CDH12: variants seen among roughly 807,000 people sequenced by gnomAD.
CDH12 encodes cadherin-12.
CDH12 carries 41 observed loss-of-function variants against 74.1 expected under a neutral mutation model. The observed-to-expected ratio is 0.55, with a 90% CI of 0.43 to 0.72. The LOEUF (loss-of-function observed/expected upper bound fraction) is 0.72. Among genes scored for constraint, CDH12 ranks in the 30% least tolerant of loss-of-function variants. The pLI is 0.00. For synonymous variants in CDH12, 399 were observed against 355.0 expected, an observed-to-expected ratio of 1.12 and a Z score of -1.39; for missense variants, 945 against 977.2, an observed-to-expected ratio of 0.97 and a Z score of 0.44.
chr5:22,248,822 A>C (rs1181013791), intron 3 of CDH12, among the ~76,000 whole-genome samples: 1 of 152,098 alleles, frequency 6.6e-6, no homozygotes, highest in African/African-American at 2.4e-5. Context: ...TCATATAAGT[A>C]ACTAAACCAT....
intron 1 of CDH12, among the ~76,000 whole-genome samples, chr5:22,544,785 C>G (rs1341193991): frequency 6.6e-6 from 1 of 151,866 alleles, no homozygotes; most frequent in African/African-American, 2.4e-5. Context: ...CCACTGTACT[C>G]CAGCCTGGGT....
chr5:22,558,494 C>T (rs866202031), intron 1 of CDH12, among the ~76,000 whole-genome samples: 5 of 152,026 alleles, frequency 3.3e-5, no homozygotes, highest in Middle Eastern at 3.2e-3. Flanking sequence ...ATCTGCCATA[C>T]GCAGAGTGAA....
intron 4 of CDH12, among the ~76,000 whole-genome samples, chr5:22,197,241 G>A (rs1157580669): frequency 2.0e-5 from 3 of 151,986 alleles, no homozygotes; most frequent in African/African-American, 4.8e-5. Flanking sequence ...TCAGGAGATC[G>A]AGTCCATCCT....
chr5:22,233,629 A>G (rs1252279098), intron 3 of CDH12, among the ~76,000 whole-genome samples: 2 of 152,188 alleles, frequency 1.3e-5, no homozygotes, highest in Non-Finnish European at 2.9e-5. Context: ...CAGAGTCAGA[A>G]TGGTGTTTTA....
At position 22,081,914 on chromosome 5, in the gene CDH12, G is replaced by A. The variant is rs1157898784; in HGVS notation, c.-186-3052C>T. ...GGAAAAATTAGTGAATAAGTGATTG[G>A]TAATTAGAGAGAAACATAAATTTAA... On this transcript the variant is annotated intron_variant, in intron 4 of 14. Coordinates refer to ENST00000382254, the MANE Select transcript of CDH12 (RefSeq NM_004061.5). Among the ~76,000 whole-genome samples, 3 of 152,274 alleles carry A rather than the reference G, an allele frequency of 2.0e-5. No homozygotes were observed. In the East Asian group the frequency reaches 5.8e-4, roughly 29 times the overall value.
intron 1 of CDH12, among the ~76,000 whole-genome samples, chr5:22,555,638 T>C (rs1738769759): frequency 6.6e-6 from 1 of 152,184 alleles, no homozygotes; most frequent in Non-Finnish European, 1.5e-5. Context: ...AAATTCTTTA[T>C]CATTTCGTGG....
chr5:22,291,589 AC>A (rs1451820145), intron 3 of CDH12, among the ~76,000 whole-genome samples: 1 of 152,118 alleles, frequency 6.6e-6, no homozygotes, highest in Non-Finnish European at 1.5e-5. Flanking sequence ...AAAGCAAGAA[AC>A]CAATCCTATT....
intron 3 of CDH12, among the ~76,000 whole-genome samples, chr5:22,282,355 C>T (rs1736925374): frequency 6.6e-6 from 1 of 152,106 alleles, no homozygotes. Context: ...ACGACTAAAA[C>T]ACCAAAAGCA....
intron 6 of CDH12, among the ~76,000 whole-genome samples, chr5:21,909,553 C>T (rs549623534): frequency 8.5e-5 from 13 of 152,250 alleles, no homozygotes; most frequent in Admixed American, 1.3e-4. Flanking sequence ...GTTCTCACAA[C>T]TCCGAATTTC....
chr5:22,751,103 T>G (rs1745547977), intron 1 of CDH12, among the ~76,000 whole-genome samples: 1 of 151,712 alleles, frequency 6.6e-6, no homozygotes. Flanking sequence ...GAATAAAATG[T>G]ATTGGAAAAG....
At chr5:22,706,312 T>C (rs999995973) in intron 1 of CDH12, among the ~76,000 whole-genome samples, 3 of 152,184 alleles carry the variant, frequency 2.0e-5, no homozygotes, top group South Asian at 2.1e-4. Context: ...AAAAAGAACA[T>C]GCATGCTTAT....
chr5:22,799,450 T>C (rs1748398809), intron 1 of CDH12, among the ~76,000 whole-genome samples: 1 of 152,206 alleles, frequency 6.6e-6, no homozygotes, highest in Non-Finnish European at 1.5e-5. Flanking sequence ...CCCTTTTCAG[T>C]ATTTTATTAA....
intron 1 of CDH12, among the ~76,000 whole-genome samples, chr5:22,566,316 C>A (rs1300473790): frequency 6.6e-6 from 1 of 151,478 alleles, no homozygotes; most frequent in Non-Finnish European, 1.5e-5. Flanking sequence ...CCACTCACTG[C>A]AACCTCCACC....
At chr5:22,039,961 T>C (rs745412463) in intron 5 of CDH12, among the ~76,000 whole-genome samples, 26 of 150,006 alleles carry the variant, frequency 1.7e-4, no homozygotes, top group African/African-American at 4.4e-4. Context: ...CCTCCAGTAA[T>C]AGGCCAGTAA....
Position 21,981,099 on chromosome 5 carries a change from T to C in CDH12, c.232-5714A>G, listed in dbSNP as rs577496841. ...ATAAAATTGGCTAAATGATTAAATG[T>C]TATAGTAGTTCTTTAATTATAAATT... On this transcript the variant is annotated intron_variant, in intron 5 of 14. Coordinates refer to ENST00000382254, the MANE Select transcript of CDH12 (RefSeq NM_004061.5). Among the ~76,000 whole-genome samples, 11 of 152,254 alleles carry C rather than the reference T, an allele frequency of 7.2e-5. No homozygotes were observed. The South Asian group carries it at 2.1e-3, about 29-fold the overall frequency.
rs559903674 is a variant in CDH12, at chr5:22,529,001, A to G, written c.-522-23637T>C. ...ATTAGGCAGGGTTCCCCAGGGAAAC[A>G]GAACCAATAGAATGTGTGTCTGTAT... On this transcript the variant is annotated intron_variant, in intron 1 of 14. Coordinates refer to ENST00000382254, the MANE Select transcript of CDH12 (RefSeq NM_004061.5). 1.2e-4 allele frequency among the ~76,000 whole-genome samples: 19 copies of G among 152,080 alleles called. No homozygotes were observed. The East Asian group carries it at 3.7e-3, about 29-fold the overall frequency.
At chr5:22,573,275 T>C (rs1366540605) in intron 1 of CDH12, among the ~76,000 whole-genome samples, 1 of 152,208 alleles carries the variant, frequency 6.6e-6, no homozygotes, top group Non-Finnish European at 1.5e-5. Context: ...TTTATATACA[T>C]AAATCATACC....
intron 1 of CDH12, among the ~76,000 whole-genome samples, chr5:22,571,638 CTT>C: frequency 6.6e-6 from 1 of 152,162 alleles, no homozygotes; most frequent in Non-Finnish European, 1.5e-5. Context: ...TCATTTCTAA[CTT>C]TTCATTTAAA....
At chr5:21,918,157 ATG>A (rs892386576) in intron 6 of CDH12, among the ~76,000 whole-genome samples, 19 of 18,216 alleles carry the variant, frequency 1.0e-3, no homozygotes, top group South Asian at 6.3e-3. Flanking sequence ...GATTTTTCAC[ATG>A]TTTCACTGTT....
Sources: gnomAD v4.1 joint callset for allele counts (sites outside exome capture counted in the v4.1 genomes callset) on GRCh38, gnomAD v4.1.1 for gene constraint, MANE v1.5 for transcripts, NCBI Gene and HGNC (gene_info 2026-07-23, HGNC 2026-07-21) for gene names.